The following NGEF variants were observed in gnomAD, a reference collection of about 807,000 sequenced individuals.
NGEF encodes the protein ephexin-1.
NGEF carries 31 observed loss-of-function variants against 80.9 expected under a neutral mutation model. The observed-to-expected ratio is 0.38, with a 90% confidence interval of 0.29 to 0.52. The LOEUF is 0.52. Ranked by LOEUF, NGEF falls within the 20% of genes least tolerant of loss-of-function variation. The pLI, the probability that NGEF is intolerant of heterozygous loss-of-function variation, is 0.84. For synonymous variants in NGEF, 371 were observed against 370.2 expected (o/e 1.00, Z -0.03); for missense variants, 709 against 926.2 (o/e 0.77, Z 3.04).
intron 4 of NGEF, among the ~76,000 whole-genome samples, 166 bp from the exon 5 acceptor site, chr2:232,920,751 G>A (rs142971659): frequency 3.9e-4 from 60 of 152,246 alleles, no homozygotes; most frequent in African/African-American, 1.4e-3. Context: ...TCCAGGCCAC[G>A]GGATACACTG....
intron 3 of NGEF, among the ~76,000 whole-genome samples, chr2:232,947,172 G>A (rs916481853): frequency 6.6e-6 from 1 of 152,150 alleles, no homozygotes; most frequent in Non-Finnish European, 1.5e-5. Flanking sequence ...GAGCAATCTG[G>A]CAACTTCCAA....
At chr2:232,994,589 A>T (rs1276081143) in intron 1 of NGEF, among the ~76,000 whole-genome samples, 1 of 152,146 alleles carries the variant, frequency 6.6e-6, no homozygotes, top group African/African-American at 2.4e-5. Flanking sequence ...ACACCGGGGA[A>T]GCTGTGGGTG....
At chr2:232,960,165 C>G (rs1368105425) in intron 3 of NGEF, among the ~76,000 whole-genome samples, 1 of 152,228 alleles carries the variant, frequency 6.6e-6, no homozygotes, top group Non-Finnish European at 1.5e-5. Context: ...AGAAAAATGG[C>G]CCCACATATT....
At position 232,964,311 on chromosome 2, in the gene NGEF, C is replaced by T. The variant is rs1042959821; in HGVS notation, c.383+5903G>A. 3.3e-5 allele frequency among the ~76,000 whole-genome samples: 5 copies of T among 152,330 alleles called. No homozygotes were observed. In the South Asian group the frequency reaches 8.3e-4, roughly 25 times the overall value. On this transcript the variant is annotated intron_variant, in intron 3 of 14. Transcript: ENST00000264051. ...TAAGGATGTTCATAGCAACTTTATTCATAATGGCTGAAAACTGGAAACAAT... is the reference window on the plus strand; with the variant it reads ...TAAGGATGTTCATAGCAACTTTATTTATAATGGCTGAAAACTGGAAACAAT...
intron 13 of NGEF, 47 bp from the exon 14 acceptor site, chr2:232,881,297 C>T: frequency 5.5e-6 from 8 of 1,449,652 alleles, no homozygotes; most frequent in Non-Finnish European, 6.7e-6. Flanking sequence ...GCACTACCCA[C>T]CTGCACACTC....
intron 5 of NGEF, among the ~76,000 whole-genome samples, chr2:232,910,969 T>C (rs961303408): frequency 6.6e-6 from 1 of 152,246 alleles, no homozygotes; most frequent in Non-Finnish European, 1.5e-5. Flanking sequence ...CTTAACTGTG[T>C]CTTTTGCAGA....
rs772047207 is a variant in NGEF, at chr2:232,885,388, C to T, written c.1348-19G>A. ...TCACCACCTGGGACAAGAAGGAGGG[C>T]ACATCAGGCCACCAAAGCCGGCTGT... On this transcript the variant is annotated intron_variant, in intron 9 of 14. Transcript: ENST00000264051. 2 of 1,607,878 alleles carry T rather than the reference C, an allele frequency of 1.2e-6. No individual in the cohort carries two copies. The highest frequency in any genetic ancestry group is 1.7e-4 in the Middle Eastern group (1 of 6,044).
intron 1 of NGEF, among the ~76,000 whole-genome samples, chr2:232,977,953 A>G (rs1308349003): frequency 1.3e-5 from 2 of 152,096 alleles, no homozygotes; most frequent in Non-Finnish European, 2.9e-5. Flanking sequence ...TGCCTGGCGG[A>G]ATGCCACTCC....
intron 3 of NGEF, among the ~76,000 whole-genome samples, chr2:232,947,418 G>A (rs918518995): frequency 2.6e-5 from 4 of 152,136 alleles, no homozygotes; most frequent in African/African-American, 4.8e-5. Context: ...TTCCCCACAC[G>A]TTGAGGGAGG....
At chr2:232,927,224 T>A (rs1439229486) in intron 3 of NGEF, 38 bp from the exon 4 acceptor site, 38 of 1,517,730 alleles carry the variant, frequency 2.5e-5, no homozygotes, top group Non-Finnish European at 3.1e-5. Flanking sequence ...TGGTTATTTT[T>A]AAGCAAGGAT....
chr2:232,941,319 T>TC (rs55980138), intron 3 of NGEF, among the ~76,000 whole-genome samples: 113,768 of 152,064 alleles, frequency 0.75, 42,964 homozygotes, highest in East Asian at 0.89. Flanking sequence ...GCTGCACAAC[T>TC]CTAAGCCATA....
intron 1 of NGEF, among the ~76,000 whole-genome samples, chr2:233,010,390 G>C (rs898450083): frequency 6.6e-6 from 1 of 152,160 alleles, no homozygotes; most frequent in African/African-American, 2.4e-5. Context: ...TTATTTTCAA[G>C]GTAGTAATGC....
At chr2:232,980,330 C>T (rs939264391) in intron 1 of NGEF, among the ~76,000 whole-genome samples, 2 of 152,042 alleles carry the variant, frequency 1.3e-5, no homozygotes, top group Admixed American at 6.6e-5. Context: ...CAATCACCAG[C>T]TACTGCAGGG....
At chr2:232,942,184 T>G (rs1252516718) in intron 3 of NGEF, among the ~76,000 whole-genome samples, 1 of 152,200 alleles carries the variant, frequency 6.6e-6, no homozygotes, top group African/African-American at 2.4e-5. Flanking sequence ...ATCCAGTGGC[T>G]GGCTGTGTTT....
At chr2:232,957,806 AG>A (rs1693861721) in intron 3 of NGEF, among the ~76,000 whole-genome samples, 1 of 152,196 alleles carries the variant, frequency 6.6e-6, no homozygotes, top group Non-Finnish European at 1.5e-5. Context: ...TGTCACACCT[AG>A]AACCACCTGC....
chr2:232,897,779 C>T (rs1692146514), intron 5 of NGEF, among the ~76,000 whole-genome samples: 1 of 152,196 alleles, frequency 6.6e-6, no homozygotes, highest in African/African-American at 2.4e-5. Flanking sequence ...CTCTCCGTGG[C>T]CATCCCCACG....
chr2:232,879,734 A>G lies in NGEF; in HGVS notation c.1943-55T>C, dbSNP rs369057819. ...AGTGCTCCTGCAGGGCACAGGCTGC[A>G]CAGAGGCTCCCTCCTGGCCAGGGCC... On this transcript the variant is annotated intron_variant, in intron 14 of 14. Coordinates refer to ENST00000264051, the MANE Select transcript of NGEF (RefSeq NM_019850.3). 1,480 of 1,544,688 alleles carry G rather than the reference A, an allele frequency of 9.6e-4. 11 individuals carry two copies. The African/African-American group carries it at 0.018, about 19-fold the overall frequency.
chr2:232,928,697 CT>C (rs960902085), intron 3 of NGEF, among the ~76,000 whole-genome samples: 1 of 152,210 alleles, frequency 6.6e-6, no homozygotes, highest in Non-Finnish European at 1.5e-5. Context: ...GCGCGGAGGT[CT>C]TTCCCGGGCG....
At chr2:232,987,438 C>A (rs917571600) in intron 1 of NGEF, among the ~76,000 whole-genome samples, 10 of 152,074 alleles carry the variant, frequency 6.6e-5, no homozygotes, top group African/African-American at 2.2e-4. Context: ...ATGGTAGTCC[C>A]CACTCTCAGA....
Sources: gnomAD v4.1 joint callset for allele counts (sites outside exome capture counted in the v4.1 genomes callset) on GRCh38, gnomAD v4.1.1 for gene constraint, MANE v1.5 for transcripts, NCBI Gene and HGNC (gene_info 2026-07-23, HGNC 2026-07-21) for gene names.